ABCB1: variants seen among roughly 807,000 people sequenced by gnomAD.
ABCB1 encodes the protein ATP binding cassette subfamily B member 1, also known as ATP-dependent translocase ABCB1.
Under a neutral mutation model 142.0 loss-of-function variants are expected in ABCB1, and 69 were observed. The observed-to-expected ratio is 0.49, with a 90% CI of 0.40 to 0.59. The LOEUF (loss-of-function observed/expected upper bound fraction) is 0.59, where lower values mean the gene tolerates loss of function less well. ABCB1 is among the 20% of genes least tolerant of loss of function. The pLI, the probability that ABCB1 is intolerant of heterozygous loss-of-function variation, is 0.00. For synonymous variants in ABCB1, 532 were observed against 539.2 expected (o/e 0.99, Z 0.18); for missense variants, 1,326 against 1,554.7 (o/e 0.85, Z 2.47).
At chr7:87,521,898 G>C (rs781644924) in intron 21 of ABCB1, 18 of 773,074 alleles carry the variant, frequency 2.3e-5, no homozygotes, top group Admixed American at 5.1e-5. Context: ...ATAAGAAAAG[G>C]GGCTTTGCTT....
chr7:87,649,601 G>A (rs1823367275), intron 1 of ABCB1, among the ~76,000 whole-genome samples: 1 of 152,172 alleles, frequency 6.6e-6, no homozygotes, highest in African/African-American at 2.4e-5. Context: ...GTCAAAAATA[G>A]AGACAAAGGA....
intron 1 of ABCB1, among the ~76,000 whole-genome samples, chr7:87,669,704 G>A (rs1463606970): frequency 2.6e-5 from 4 of 152,116 alleles, no homozygotes; most frequent in Non-Finnish European, 4.4e-5. Context: ...ATCTGAAAAG[G>A]ATCTTATTTC....
At chr7:87,629,085 A>G in intron 1 of ABCB1, 1 of 797,582 alleles carries the variant, frequency 1.3e-6, no homozygotes, top group Non-Finnish European at 1.7e-6. Context: ...CAAATCTGTG[A>G]GCGCGCAGCT....
intron 1 of ABCB1, among the ~76,000 whole-genome samples, chr7:87,644,575 A>G (rs943861372): frequency 6.6e-6 from 1 of 152,192 alleles, no homozygotes; most frequent in Non-Finnish European, 1.5e-5. Context: ...AGATGTTTTC[A>G]TGTACATTAG....
intron 1 of ABCB1, among the ~76,000 whole-genome samples, chr7:87,618,467 T>G (rs141752038): frequency 6.5e-4 from 99 of 152,336 alleles, no homozygotes; most frequent in East Asian, 5.6e-3. Flanking sequence ...ATAGTCGCTT[T>G]GAATTTAGCT....
At chr7:87,709,898 AAATT>A (rs1175522446) in intron 1 of ABCB1, among the ~76,000 whole-genome samples, 3 of 152,212 alleles carry the variant, frequency 2.0e-5, no homozygotes, top group Non-Finnish European at 2.9e-5. Flanking sequence ...GTCCGTAAGA[AAATT>A]AATTACTTTT....
At chr7:87,530,822 CAAGA>C (rs1376573110) in intron 21 of ABCB1, among the ~76,000 whole-genome samples, 5 of 80,028 alleles carry the variant, frequency 6.2e-5, no homozygotes, top group East Asian at 3.4e-4. Context: ...AGCAAGAAAG[CAAGA>C]AAGCAAGAAA....
At chr7:87,512,181 A>C (rs1002204) in intron 25 of ABCB1, among the ~76,000 whole-genome samples, 85,022 of 150,446 alleles carry the variant, frequency 0.57, 25,321 homozygotes, top group African/African-American at 0.77. Context: ...ATTTTGCATT[A>C]AAAAAAAAAT....
intron 1 of ABCB1, among the ~76,000 whole-genome samples, chr7:87,682,292 A>G (rs1170926494): frequency 6.6e-6 from 1 of 152,188 alleles, no homozygotes; most frequent in Non-Finnish European, 1.5e-5. Flanking sequence ...CTTTTTCCAA[A>G]TTCCTGTTAA....
chr7:87,539,467 G>T, intron 18 of ABCB1, 122 bp from the exon 19 acceptor site: 1 of 1,003,056 alleles, frequency 1.0e-6, no homozygotes, highest in Non-Finnish European at 1.5e-6. Context: ...TCAAGGGCTT[G>T]CTATGTTTCT....
intron 4 of ABCB1, 65 bp from the exon 5 acceptor site, chr7:87,570,288 A>G (rs1817992721): frequency 2.1e-6 from 3 of 1,429,874 alleles, no homozygotes; most frequent in Non-Finnish European, 2.0e-6. Context: ...ATAAACATGT[A>G]AAAATGAATC....
intron 10 of ABCB1, 72 bp downstream of exon 10, chr7:87,550,653 T>C: frequency 6.4e-7 from 1 of 1,568,664 alleles, no homozygotes; most frequent in South Asian, 1.1e-5. Flanking sequence ...GAGAGCTGGA[T>C]AAAGTGACAA....
At chr7:87,583,228 T>C (rs1443486527) in intron 4 of ABCB1, among the ~76,000 whole-genome samples, 1 of 152,200 alleles carries the variant, frequency 6.6e-6, no homozygotes, top group Non-Finnish European at 1.5e-5. Context: ...ATGAATCCAC[T>C]TAAATATCAC....
At chr7:87,567,029 C>T in intron 5 of ABCB1, 53 bp from the exon 6 acceptor site, 1 of 1,559,668 alleles carries the variant, frequency 6.4e-7, no homozygotes. Flanking sequence ...ATCAATGTAC[C>T]TTTTCCAAAG....
intron 25 of ABCB1, among the ~76,000 whole-genome samples, chr7:87,512,480 G>C (rs528823996): frequency 1.3e-5 from 2 of 152,116 alleles, no homozygotes; most frequent in Admixed American, 1.3e-4. Flanking sequence ...AATATTCACC[G>C]AAGCTTTAGA....
chr7:87,531,429 G>A lies in ABCB1; in HGVS notation c.2550C>T (p.Ser850=), dbSNP rs374182865. 1 of 1,613,292 alleles carries A rather than the reference G, an allele frequency of 6.2e-7. No homozygotes were observed. Among genetic ancestry groups the A allele is most frequent in the Non-Finnish European group, 8.5e-7 (1 of 1,179,708 alleles). The change falls in exon 21 of 28, where the codon TCC becomes TCT. Residue 850 remains serine (S), a synonymous_variant. Coordinates refer to ENST00000622132, the MANE Select transcript of ABCB1 (RefSeq NM_001348946.2). ...IANLGTGIII[S]FIYGWQLTLL... ...GTGTTAGTTGCCAACCATAGATGAA[G>A]GATATAATTATTCCTGTCCCAAGAT...
chr7:87,600,983 T>C (rs201455425), upstream of ABCB1: 3 of 152,264 alleles, frequency 2.0e-5, no homozygotes, highest in Admixed American at 6.5e-5. Context: ...CACAGATGAC[T>C]GCTCCCGGCC....
intron 5 of ABCB1, among the ~76,000 whole-genome samples, chr7:87,569,492 A>T (rs1340677217): frequency 1.3e-5 from 2 of 152,160 alleles, no homozygotes; most frequent in Admixed American, 6.5e-5. Context: ...ATCATTAACC[A>T]AAAGCTTCCC....
intron 8 of ABCB1, among the ~76,000 whole-genome samples, chr7:87,560,511 ATTCTGAT>A (rs1817516716): frequency 6.6e-6 from 1 of 152,174 alleles, no homozygotes; most frequent in Non-Finnish European, 1.5e-5. Context: ...GCTAACCATT[ATTCTGAT>A]TTCTGAAAAT....
Sources: allele counts gnomAD v4.1 joint callset (sites outside exome capture counted in the v4.1 genomes callset), GRCh38; gene constraint gnomAD v4.1.1; transcripts MANE v1.5; gene names NCBI Gene and HGNC (gene_info 2026-07-23, HGNC 2026-07-21).